GANC: variants seen among roughly 807,000 people sequenced by gnomAD.
GANC encodes glucosidase alpha, neutral C.
In GANC, 117 loss-of-function variants were observed where a neutral mutation model predicts 124.2. The ratio of observed to expected loss-of-function variants is 0.94; its 90% CI spans 0.81 to 1.10. GANC has a LOEUF of 1.10. Among genes scored for constraint, GANC ranks in the 50% least tolerant of loss-of-function variants. The probability of loss-of-function intolerance (pLI) is 0.00; values close to 1 mark genes in which losing one functional copy is unlikely to be tolerated. For missense variants in GANC, 1,140 were observed against 1,095.0 expected (o/e 1.04, Z -0.58); for synonymous variants, 377 against 376.8 (o/e 1.00, Z -0.01).
intron 5 of GANC, among the ~76,000 whole-genome samples, chr15:42,296,367 T>C (rs1277805083): frequency 6.6e-6 from 1 of 152,086 alleles, no homozygotes; most frequent in African/African-American, 2.4e-5. Flanking sequence ...TCCTTGGGTT[T>C]GATTTGGTTT....
At chr15:42,351,570 C>T (rs2052438645) in intron 23 of GANC, 138 bp downstream of exon 23, 4 of 624,852 alleles carry the variant, frequency 6.4e-6, no homozygotes, top group Non-Finnish European at 8.5e-6. Flanking sequence ...ATATACTAGT[C>T]TGTAGAATAA....
chr15:42,321,365 T>G (rs920062400), intron 10 of GANC, among the ~76,000 whole-genome samples: 9 of 152,208 alleles, frequency 5.9e-5, no homozygotes, highest in Non-Finnish European at 1.2e-4. Flanking sequence ...AAGCCTGTCA[T>G]GTACTTCCTT....
intron 11 of GANC, among the ~76,000 whole-genome samples, chr15:42,323,024 TAATA>T (rs2052173549): frequency 6.6e-6 from 1 of 152,206 alleles, no homozygotes; most frequent in Non-Finnish European, 1.5e-5. Context: ...ATTTCCCAAT[TAATA>T]AATAGTTACC....
chr15:42,327,475 A>T, intron 13 of GANC, 33 bp downstream of exon 13: 2 of 1,474,064 alleles, frequency 1.4e-6, no homozygotes, highest in Non-Finnish European at 1.9e-6. Context: ...TTTTCTAGTT[A>T]CCTGAAAGAG....
chr15:42,296,874 TG>T (rs1436252687), intron 5 of GANC, among the ~76,000 whole-genome samples: 7 of 150,150 alleles, frequency 4.7e-5, no homozygotes, highest in Non-Finnish European at 1.0e-4. Context: ...TTGGAAGATA[TG>T]GTCTCACTAT....
intron 3 of GANC, among the ~76,000 whole-genome samples, chr15:42,285,397 A>G (rs1191536985): frequency 1.3e-5 from 2 of 149,028 alleles, no homozygotes; most frequent in Admixed American, 6.6e-5. Flanking sequence ...CTGATATTTA[A>G]AAGAAAGAAA....
intron 6 of GANC, among the ~76,000 whole-genome samples, chr15:42,306,096 G>A (rs1490694622): frequency 6.7e-6 from 1 of 150,124 alleles, no homozygotes; most frequent in Admixed American, 6.7e-5. Flanking sequence ...GTGTGATACT[G>A]GCTCACTGCA....
intron 1 of GANC, 57 bp downstream of exon 1, chr15:42,274,567 A>G: frequency 3.3e-6 from 5 of 1,499,606 alleles, no homozygotes; most frequent in South Asian, 1.2e-5. Flanking sequence ...AACAGGGAAT[A>G]GTGTTTTAAT....
intron 2 of GANC, 142 bp downstream of exon 2, chr15:42,276,552 A>C: frequency 1.9e-6 from 1 of 521,070 alleles, no homozygotes. Flanking sequence ...CAGGAGACTC[A>C]CTTTTAACTT....
rs780827645 is a variant in GANC, at chr15:42,339,743, C to A, written c.1918C>A (p.Pro640Thr). The A allele has an allele frequency of 1.2e-6, 2 of 1,614,182 alleles. No homozygotes were observed. The highest frequency in any genetic ancestry group is 2.2e-5 in the South Asian group (2 of 91,084). The change falls in exon 17 of 24, where the codon CCC becomes ACC. Residue 640 changes from proline (P) to threonine (T), a missense_variant. Physicochemically the swap from Pro to Thr is conservative, Grantham distance 38. Transcript: ENST00000318010. ...TTGGTACCAGGCTGGAGCCTACCAG[C>A]CCTTCTTCCGTGGCCATGCCACCAT... Reference protein sequence around the residue: ...VRWYQAGAYQPFFRGHATMNT... With the variant: ...VRWYQAGAYQTFFRGHATMNT...
rs995376420 is a variant in GANC, at chr15:42,293,026, T to G, written c.512+109T>G. On this transcript the variant is annotated intron_variant, in intron 5 of 23. Transcript: ENST00000318010. ...ACCATAGAAAATTGGTTTGCCTTAT[T>G]TGCTCTAGTATTGTTCTGAGAAATT... 2.9e-6 allele frequency: 3 copies of G among 1,034,004 alleles called. No individual in the cohort carries two copies. The African/African-American group carries it at 4.8e-5, about 17-fold the overall frequency. 64.1% of individuals were successfully genotyped at this position (1,034,004 alleles called of 1,614,324 possible).
chr15:42,332,017 A>G (rs542417640), intron 15 of GANC, among the ~76,000 whole-genome samples: 130 of 152,280 alleles, frequency 8.5e-4, no homozygotes, highest in East Asian at 2.5e-3. Flanking sequence ...TGGGATATCT[A>G]TCACCTTAAA....
rs374604107 is a variant in GANC, at chr15:42,283,057, A to G, written c.201+4467A>G. ...GGGCTTCATCTCTGAATACCATCAT[A>G]TTGTGGGTTAGGGCTTTAATAGGAA... On this transcript the variant is annotated intron_variant, in intron 3 of 23. Transcript: ENST00000318010. Among the ~76,000 whole-genome samples, 44 of 152,290 alleles carry G rather than the reference A, an allele frequency of 2.9e-4. No homozygotes were observed. In the South Asian group the frequency reaches 6.8e-3, roughly 24 times the overall value.
intron 4 of GANC, among the ~76,000 whole-genome samples, chr15:42,292,404 G>A (rs536040193): frequency 1.3e-5 from 2 of 150,960 alleles, no homozygotes; most frequent in Non-Finnish European, 2.9e-5. Context: ...GTCTGGCACT[G>A]TGTCAAGAGC....
chr15:42,339,885 C>T lies in GANC; in HGVS notation c.2060C>T (p.Ala687Val), dbSNP rs746646982. 3.7e-6 allele frequency: 6 copies of T among 1,613,930 alleles called. No individual in the cohort carries two copies. Among genetic ancestry groups the T allele is most frequent in the African/African-American group, 1.3e-5 (1 of 74,932 alleles). Reference sequence around the variant, plus strand: ...TATTGGTATTCTCTGTTCTACCATGCACACGTGGCTTCCCAACCTGTCATG... The same window carrying T: ...TATTGGTATTCTCTGTTCTACCATGTACACGTGGCTTCCCAACCTGTCATG... ...LPYWYSLFYHAHVASQPVMRP... is the reference protein window; with the variant it reads ...LPYWYSLFYHVHVASQPVMRP... Residue 687 changes from alanine (A) to valine (V), a missense_variant, in exon 17 of 24, where the codon GCA becomes GTA. Physicochemically the swap from Ala to Val is moderately conservative, Grantham distance 64. Coordinates refer to ENST00000318010, the MANE Select transcript of GANC (RefSeq NM_198141.3).
intron 13 of GANC, 75 bp from the exon 14 acceptor site, chr15:42,329,231 T>G (rs2141063642): frequency 1.2e-4 from 164 of 1,414,234 alleles, no homozygotes; most frequent in Non-Finnish European, 1.4e-4. Context: ...ATTTTTAAAA[T>G]GAGGTAGCAA....
In GANC at chr15:42,297,209, T is replaced by TA. The variant is rs550695525; in HGVS notation, c.513-396dup. Among the ~76,000 whole-genome samples, 381 of 152,310 alleles carry TA rather than the reference T, an allele frequency of 2.5e-3. 1 individual carries two copies. The highest frequency in any genetic ancestry group is 8.6e-3 in the African/African-American group (358 of 41,574). ...TTATGAGCATGTTTAACATTTATAA[T>TA]AAAAAATGATAAAAGTATTTTTTAA... is the stretch of plus-strand genomic sequence containing the variant. On this transcript the variant is annotated intron_variant, in intron 5 of 23. Coordinates refer to ENST00000318010, the MANE Select transcript of GANC (RefSeq NM_198141.3).
chr15:42,291,326 C>T (rs2051839043), intron 4 of GANC, among the ~76,000 whole-genome samples: 2 of 152,062 alleles, frequency 1.3e-5, no homozygotes, highest in South Asian at 4.1e-4. Flanking sequence ...TAATTGATGG[C>T]ATAGTTGGTT....
chr15:42,295,175 T>C (rs1415930558), intron 5 of GANC, among the ~76,000 whole-genome samples: 6 of 151,930 alleles, frequency 3.9e-5, no homozygotes, highest in African/African-American at 1.4e-4. Context: ...GGGATTTCAC[T>C]GTGTTAGTCA....
Sources: allele counts gnomAD v4.1 joint callset (sites outside exome capture counted in the v4.1 genomes callset), GRCh38; gene constraint gnomAD v4.1.1; transcripts MANE v1.5; gene names NCBI Gene and HGNC (gene_info 2026-07-23, HGNC 2026-07-21).